SLC16A2: variants seen among roughly 807,000 people sequenced by gnomAD.
SLC16A2 encodes monocarboxylate transporter 8.
SLC16A2 carries 3 observed loss-of-function variants against 27.2 expected under a neutral mutation model. The ratio of observed to expected loss-of-function variants is 0.11; its 90% CI spans 0.05 to 0.28. The LOEUF (loss-of-function observed/expected upper bound fraction) is 0.28. Ranked by LOEUF, SLC16A2 falls within the 10% of genes least tolerant of loss-of-function variation. The pLI is 1.00. For missense variants in SLC16A2, 295 were observed against 458.5 expected, an observed-to-expected ratio of 0.64 and a Z score of 3.26; for synonymous variants, 202 against 187.8, an observed-to-expected ratio of 1.08 and a Z score of -0.62.
At chrX:74,447,231 G>A (rs1471736291) in intron 1 of SLC16A2, among the ~76,000 whole-genome samples, 1 of 112,193 alleles carries the variant, frequency 8.9e-6, no homozygotes, top group Non-Finnish European at 1.9e-5. Context: ...ATAAAAGTTT[G>A]TCCAATATTC....
At chrX:74,476,157 C>G (rs1249034755) in intron 1 of SLC16A2, among the ~76,000 whole-genome samples, 1 of 111,696 alleles carries the variant, frequency 9.0e-6, no homozygotes, top group Non-Finnish European at 1.9e-5. Context: ...TTCATTTCAT[C>G]AAGCAGTGGT....
At chrX:74,514,124 G>A (rs1930277376) in intron 1 of SLC16A2, among the ~76,000 whole-genome samples, 1 of 111,300 alleles carries the variant, frequency 9.0e-6, no homozygotes, top group Non-Finnish European at 1.9e-5. Flanking sequence ...GAAAAGTGGA[G>A]AGAAGAAGGC....
chrX:74,434,324 A>G (rs755247531), intron 1 of SLC16A2, among the ~76,000 whole-genome samples: 12 of 112,210 alleles, frequency 1.1e-4, no homozygotes, highest in Non-Finnish European at 2.1e-4. Context: ...CCCTGATAGA[A>G]TTGGAATTTG....
At chrX:74,500,405 T>C (rs950295031) in intron 1 of SLC16A2, among the ~76,000 whole-genome samples, 4 of 111,687 alleles carry the variant, frequency 3.6e-5, no homozygotes, top group African/African-American at 1.3e-4. Flanking sequence ...GAATGTATAT[T>C]TTAAAAAAAT....
At chrX:74,462,444 C>T (rs997823662) in intron 1 of SLC16A2, among the ~76,000 whole-genome samples, 8 of 111,621 alleles carry the variant, frequency 7.2e-5, no homozygotes, top group Admixed American at 1.9e-4. Flanking sequence ...CTCAGCCTCC[C>T]GAGTAGCTGG....
chrX:74,439,232 CTCTT>C (rs1193934429), intron 1 of SLC16A2, among the ~76,000 whole-genome samples: 80 of 63,930 alleles, frequency 1.3e-3, no homozygotes, highest in Middle Eastern at 6.1e-3. Context: ...CTCTCTCTCT[CTCTT>C]TCTTTCTTTC....
At chrX:74,485,954 G>A (rs1042674679) in intron 1 of SLC16A2, among the ~76,000 whole-genome samples, 5 of 111,237 alleles carry the variant, frequency 4.5e-5, no homozygotes, top group Admixed American at 9.5e-5. Context: ...GACCAGAAGC[G>A]TGTGCAGTTG....
intron 1 of SLC16A2, among the ~76,000 whole-genome samples, chrX:74,446,601 C>T (rs753326933): frequency 9.3e-6 from 1 of 107,670 alleles, no homozygotes; most frequent in Non-Finnish European, 1.9e-5. Flanking sequence ...GCCTGGGTGA[C>T]AGAGTAAGAC....
chrX:74,473,726 G>A (rs1438557381), intron 1 of SLC16A2: 11 of 942,984 alleles, frequency 1.2e-5, no homozygotes, highest in Non-Finnish European at 1.7e-5. Flanking sequence ...GTGTGGCCTT[G>A]CATTCATGGC....
In SLC16A2 at chrX:74,529,328, C is replaced by A; in HGVS notation, c.1286C>A (p.Thr429Asn). 8.3e-7 allele frequency: 1 copy of A among 1,209,399 alleles called. No homozygotes were observed. The highest frequency in any genetic ancestry group is 1.1e-6 in the Non-Finnish European group (1 of 893,919). Reference protein sequence around the residue: ...FLGLCDGFFITIMAPIAFELV... With the variant: ...FLGLCDGFFINIMAPIAFELV... ...GGCCTTTGCGATGGCTTCTTCATCA[C>A]CATCATGGCCCCCATTGCATTTGAG... Residue 429 changes from threonine (T) to asparagine (N), a missense_variant, in exon 5 of 6, where the codon ACC (threonine) becomes AAC (asparagine). Thr to Asn is a moderately conservative substitution (Grantham distance 65). This residue lies in a region of SLC16A2 where 144 missense variants were observed against 219.8 expected (regional missense o/e 0.66). Transcript: ENST00000587091.
rs1028949449 is a variant in SLC16A2, at chrX:74,533,778, A to C, written c.*2225A>C. 1.8e-5 allele frequency: 2 copies of C among 112,891 alleles called. No homozygotes were observed. Among genetic ancestry groups the C allele is most frequent in the Non-Finnish European group, 1.9e-5 (1 of 53,338 alleles). 9.3% of individuals were successfully genotyped at this position (112,891 alleles called of 1,213,427 possible). ...GAGAATGTTGATTGGCAAAAGCAGCACAGTATTAATATTTAGAGTAGGATG... is the reference window on the plus strand; with the variant it reads ...GAGAATGTTGATTGGCAAAAGCAGCCCAGTATTAATATTTAGAGTAGGATG... On this transcript the variant is annotated 3_prime_UTR_variant, in exon 6 of 6. Transcript: ENST00000587091.
chrX:74,458,379 G>C lies in SLC16A2; in HGVS notation c.430+36312G>C, dbSNP rs766412091. 4.5e-5 allele frequency among the ~76,000 whole-genome samples: 5 copies of C among 111,411 alleles called. No individual in the cohort carries two copies. In the East Asian group the frequency reaches 1.4e-3, roughly 31 times the overall value. ...CTTTTTCTTTTTGAGTCAGAGTTTC[G>C]CTCTTGTTGCCCAGGCTGGAGTGCA... is the stretch of plus-strand genomic sequence containing the variant. On this transcript the variant is annotated intron_variant, in intron 1 of 5. Coordinates refer to ENST00000587091, the MANE Select transcript of SLC16A2 (RefSeq NM_006517.5).
chrX:74,443,840 A>T (rs1336902250), intron 1 of SLC16A2, among the ~76,000 whole-genome samples: 4 of 111,275 alleles, frequency 3.6e-5, no homozygotes, highest in Admixed American at 9.6e-5. Context: ...GTGGGCTGAG[A>T]TGAATATTTC....
chrX:74,460,985 TC>T (rs1345334298), intron 1 of SLC16A2, among the ~76,000 whole-genome samples: 1 of 112,074 alleles, frequency 8.9e-6, no homozygotes, highest in African/African-American at 3.2e-5. Context: ...TGGAGAAGTA[TC>T]CCTAAAGTTT....
chrX:74,498,198 A>G (rs1248401716), intron 1 of SLC16A2, among the ~76,000 whole-genome samples: 1 of 112,084 alleles, frequency 8.9e-6, no homozygotes. Context: ...TTCTGCTAAG[A>G]TGTAGGGTAT....
At chrX:74,454,633 C>T (rs1036596097) in intron 1 of SLC16A2, among the ~76,000 whole-genome samples, 6 of 107,876 alleles carry the variant, frequency 5.6e-5, no homozygotes, top group African/African-American at 1.0e-4. Context: ...TGTTAAATGA[C>T]GAGTTAATGG....
chrX:74,482,703 GT>G lies in SLC16A2; in HGVS notation c.431-38277del, dbSNP rs954725228. Among the ~76,000 whole-genome samples the G allele has an allele frequency of 1.8e-4, 19 of 106,474 alleles. No individual in the cohort carries two copies. In the South Asian group the frequency reaches 4.0e-3, roughly 22 times the overall value. 92.5% of individuals were successfully genotyped at this position (106,474 alleles called of 115,157 possible). A position where few individuals can be genotyped will look rare whatever the true frequency, so the allele number is the denominator to read the frequency against. ...GAATTTCTCACAAATTCTTTTAGTT[GT>G]TTTTTTTTTCTTAGACAGGGTCTCT... On this transcript the variant is annotated intron_variant, in intron 1 of 5. Coordinates refer to ENST00000587091, the MANE Select transcript of SLC16A2 (RefSeq NM_006517.5).
At chrX:74,529,467 A>G (rs374016095) in intron 5 of SLC16A2, 26 bp downstream of exon 5, 2 of 1,094,975 alleles carry the variant, frequency 1.8e-6, no homozygotes, top group African/African-American at 3.7e-5. Flanking sequence ...CAGGGAGGGC[A>G]TGAATCAGGG....
Position 74,531,248 on chromosome X carries a change from C to A in SLC16A2, c.1400-85C>A, listed in dbSNP as rs1930563969. On this transcript the variant is annotated intron_variant, in intron 5 of 5. Transcript: ENST00000587091. Reference sequence around the variant, plus strand: ...CACGCCAAGATTATCTGGATAGGCACTGTGATGGCCCCTAGAACGGGCTGA... The same window carrying A: ...CACGCCAAGATTATCTGGATAGGCAATGTGATGGCCCCTAGAACGGGCTGA... 7.5e-6 allele frequency: 6 copies of A among 796,263 alleles called. No individual in the cohort carries two copies. The East Asian group carries it at 1.9e-4, about 25-fold the overall frequency. The allele number at this position is 796,263 out of a possible 1,213,427, so 65.6% of individuals were successfully genotyped here.
Sources: allele counts gnomAD v4.1 joint callset (sites outside exome capture counted in the v4.1 genomes callset), GRCh38; gene constraint gnomAD v4.1.1; regional missense constraint gnomAD v4.1.1; transcripts MANE v1.5; gene names NCBI Gene and HGNC (gene_info 2026-07-23, HGNC 2026-07-21).